LEPR: variants seen among roughly 807,000 people sequenced by gnomAD.
LEPR encodes the protein leptin receptor, also known as OB receptor.
In LEPR, 56 loss-of-function variants were observed where a neutral mutation model predicts 114.7. That is an observed-to-expected ratio of 0.49 (90% CI 0.39 to 0.61). The LOEUF is 0.61. Ranked by LOEUF, LEPR falls within the 20% of genes least tolerant of loss-of-function variation. The pLI, the probability that LEPR is intolerant of heterozygous loss-of-function variation, is 0.00. For synonymous variants in LEPR, 443 were observed against 461.4 expected, an observed-to-expected ratio of 0.96 and a Z score of 0.51; for missense variants, 1,202 against 1,352.9, an observed-to-expected ratio of 0.89 and a Z score of 1.75.
intron 2 of LEPR, among the ~76,000 whole-genome samples, chr1:65,454,723 CTTCAT>C (rs1447028640): frequency 6.6e-6 from 1 of 152,026 alleles, no homozygotes; most frequent in African/African-American, 2.4e-5. Context: ...ACATTTTTTC[CTTCAT>C]TTCAACTTTG....
Position 65,610,194 on chromosome 1 carries a change from C to T in LEPR, c.1913-20C>T. 1.9e-6 allele frequency: 3 copies of T among 1,614,006 alleles called. No individual in the cohort carries two copies. The highest frequency in any genetic ancestry group is 1.3e-5 in the African/African-American group (1 of 75,032). ...AAAAGTATTTCTTCAAAAACATATA[C>T]ACAACTTGTCATTTTGCAGTTCCTA... On this transcript the variant is annotated intron_variant, in intron 13 of 19. Transcript: ENST00000349533.
intron 2 of LEPR, among the ~76,000 whole-genome samples, chr1:65,455,041 C>T (rs554381756): frequency 3.9e-4 from 60 of 152,272 alleles, no homozygotes; most frequent in Admixed American, 2.5e-3. Context: ...CTTCATCTTC[C>T]ATCGCTGATA....
Position 65,637,335 on chromosome 1 carries a change from T to C in LEPR, c.*320T>C, listed in dbSNP as rs1377714818. The C allele has an allele frequency of 8.1e-6, 2 of 245,648 alleles. No homozygotes were observed. Among genetic ancestry groups the C allele is most frequent in the Non-Finnish European group, 1.6e-5 (2 of 126,306 alleles). 15.2% of individuals were successfully genotyped at this position (245,648 alleles called of 1,614,324 possible). On this transcript the variant is annotated 3_prime_UTR_variant, in exon 20 of 20. Transcript: ENST00000349533. ...TGTTTTTTCAGAGGGCGTGTTGTTT[T>C]ACCTCAAGTTTTTGTTTTGTACCAA...
At chr1:65,557,150 G>A (rs114755875) in intron 2 of LEPR, among the ~76,000 whole-genome samples, 1 of 152,094 alleles carries the variant, frequency 6.6e-6, no homozygotes, top group Non-Finnish European at 1.5e-5. Flanking sequence ...TCATGAGGAT[G>A]TTAGCTGTTA....
chr1:65,522,838 GT>G (rs34483675), intron 2 of LEPR, among the ~76,000 whole-genome samples: 53,103 of 147,306 alleles, frequency 0.36, 10,725 homozygotes, highest in Non-Finnish European at 0.47. Context: ...TCCTTTTAGG[GT>G]TTTTTTTTTT....
chr1:65,451,916 A>G (rs944325184), intron 2 of LEPR, among the ~76,000 whole-genome samples: 4 of 151,454 alleles, frequency 2.6e-5, no homozygotes, highest in African/African-American at 9.7e-5. Context: ...ATGAGCATGG[A>G]ATGTTCTTCC....
chr1:65,463,483 T>C (rs1646972058), intron 2 of LEPR, among the ~76,000 whole-genome samples: 1 of 152,202 alleles, frequency 6.6e-6, no homozygotes, highest in African/African-American at 2.4e-5. Flanking sequence ...TTCTTTTTGC[T>C]TAGGATTGTC....
intron 2 of LEPR, among the ~76,000 whole-genome samples, chr1:65,555,083 A>C (rs1375046603): frequency 6.6e-6 from 1 of 152,026 alleles, no homozygotes; most frequent in East Asian, 1.9e-4. Flanking sequence ...CGGGTACCTC[A>C]GTTGGAAATG....
intron 2 of LEPR, among the ~76,000 whole-genome samples, chr1:65,532,085 A>G (rs1293923987): frequency 2.6e-5 from 4 of 152,222 alleles, no homozygotes; most frequent in Non-Finnish European, 5.9e-5. Context: ...TCTCATTAAT[A>G]GTTACTACTT....
intron 2 of LEPR, among the ~76,000 whole-genome samples, chr1:65,482,365 A>C (rs191231704): frequency 5.3e-5 from 8 of 152,330 alleles, no homozygotes; most frequent in Non-Finnish European, 1.0e-4. Context: ...GCTTGAAATG[A>C]CAAAGCTTGA....
In LEPR at chr1:65,639,570, T is replaced by C. The variant is rs1658807224; in HGVS notation, c.*2555T>C. On this transcript the variant is annotated 3_prime_UTR_variant, in exon 20 of 20. Transcript: ENST00000349533. Reference sequence around the variant, plus strand: ...CCTCAGAATGGTCAGGAACTTCCCATTTCTTCCCACAGCTTCTATAAAAAA... The same window carrying C: ...CCTCAGAATGGTCAGGAACTTCCCACTTCTTCCCACAGCTTCTATAAAAAA... 1 of 152,170 alleles carries C rather than the reference T, an allele frequency of 6.6e-6. No homozygotes were observed. The highest frequency in any genetic ancestry group is 1.9e-4 in the East Asian group (1 of 5,200). The allele number at this position is 152,170 out of a possible 1,614,324, so 9.4% of individuals were successfully genotyped here.
chr1:65,502,528 G>A (rs559197762), intron 2 of LEPR, among the ~76,000 whole-genome samples: 100 of 152,158 alleles, frequency 6.6e-4, no homozygotes, highest in South Asian at 3.9e-3. Flanking sequence ...GGGTGCTGAC[G>A]ATATAGCTTC....
chr1:65,637,634 T>G lies in LEPR; in HGVS notation c.*619T>G, dbSNP rs551409500. 5.2e-5 allele frequency: 8 copies of G among 152,404 alleles called. No individual in the cohort carries two copies. The highest frequency in any genetic ancestry group is 1.9e-4 in the African/African-American group (8 of 41,588). 9.4% of individuals were successfully genotyped at this position (152,404 alleles called of 1,614,324 possible). ...AGTATTTTGATGACAACACAAGCAC[T>G]TTTGAAAACATAATGTCAGTTTTAA... On this transcript the variant is annotated 3_prime_UTR_variant, in exon 20 of 20. Transcript: ENST00000349533.
At chr1:65,552,506 A>G (rs867569335) in intron 2 of LEPR, among the ~76,000 whole-genome samples, 2 of 152,008 alleles carry the variant, frequency 1.3e-5, no homozygotes, top group Non-Finnish European at 2.9e-5. Context: ...AGTCTGTTTT[A>G]TCGGAGACTA....
chr1:65,588,714 C>T (rs1025222387), intron 5 of LEPR, among the ~76,000 whole-genome samples: 1 of 152,018 alleles, frequency 6.6e-6, no homozygotes, highest in African/African-American at 2.4e-5. Flanking sequence ...GTTGTGCTTT[C>T]ATATACATGA....
chr1:65,545,337 G>T (rs1422103558), intron 2 of LEPR, among the ~76,000 whole-genome samples: 2 of 152,060 alleles, frequency 1.3e-5, no homozygotes, highest in Non-Finnish European at 2.9e-5. Context: ...TGGGATGGCG[G>T]GGTCAAATGG....
In LEPR at chr1:65,477,281, C is replaced by T. The variant is rs113593857; in HGVS notation, c.-21+51903C>T. 2.4e-3 allele frequency among the ~76,000 whole-genome samples: 366 copies of T among 152,288 alleles called. 3 individuals are homozygous for T. The highest frequency in any genetic ancestry group is 8.3e-3 in the African/African-American group (346 of 41,560). ...AGAGTAACTTATCTCCCCACCTCCC[C>T]GTGGCCCCACTTCCACATACATACT... is the stretch of plus-strand genomic sequence containing the variant. On this transcript the variant is annotated intron_variant, in intron 2 of 19. Transcript: ENST00000349533.
intron 2 of LEPR, among the ~76,000 whole-genome samples, chr1:65,467,700 T>C (rs1221331038): frequency 1.3e-5 from 2 of 152,168 alleles, no homozygotes; most frequent in African/African-American, 4.8e-5. Flanking sequence ...ACCCAGTTCG[T>C]GCTTCTTGGC....
intron 2 of LEPR, among the ~76,000 whole-genome samples, chr1:65,477,811 T>G (rs1647175865): frequency 6.6e-6 from 1 of 152,234 alleles, no homozygotes; most frequent in Non-Finnish European, 1.5e-5. Context: ...GATCACATCT[T>G]TCTCTCACCC....
Sources: allele counts gnomAD v4.1 joint callset (sites outside exome capture counted in the v4.1 genomes callset), GRCh38; gene constraint gnomAD v4.1.1; transcripts MANE v1.5; gene names NCBI Gene and HGNC (gene_info 2026-07-23, HGNC 2026-07-21).